POPDC1: variants seen among roughly 807,000 people sequenced by gnomAD.
The protein encoded by POPDC1 is popeye domain-containing protein 1.
chr6:105,129,318 A>C, the POPDC1 span: 1 of 1,425,898 alleles, frequency 7.0e-7, no homozygotes, highest in Non-Finnish European at 9.5e-7. Context: ...ACTCTGAACA[A>C]AGTACCTTTC....
the POPDC1 span, chr6:105,100,969 C>T: frequency 9.0e-6 from 11 of 1,217,004 alleles, no homozygotes; most frequent in Admixed American, 2.7e-5. Flanking sequence ...TTCCTCCCTC[C>T]GACTCCACCA....
chr6:105,132,936 T>G, the POPDC1 span, among the ~76,000 whole-genome samples: 1 of 152,224 alleles, frequency 6.6e-6, no homozygotes. Flanking sequence ...ACACATTTAA[T>G]TCACAACAAC....
chr6:105,115,602 T>A, the POPDC1 span: 1 of 1,476,988 alleles, frequency 6.8e-7, no homozygotes, highest in Non-Finnish European at 9.1e-7. Flanking sequence ...TGCAAAGTTA[T>A]TTTTCTAATC....
At chr6:105,120,977 C>A in the POPDC1 span, among the ~76,000 whole-genome samples, 1 of 152,176 alleles carries the variant, frequency 6.6e-6, no homozygotes, top group African/African-American at 2.4e-5. Context: ...TGTTTCACAG[C>A]TCCACCAAAA....
the POPDC1 span, chr6:105,101,241 A>G: frequency 1.9e-6 from 3 of 1,585,744 alleles, no homozygotes; most frequent in Non-Finnish European, 2.6e-6. Flanking sequence ...AGGGAAAACC[A>G]CTGAATGCAC....
the POPDC1 span, among the ~76,000 whole-genome samples, chr6:105,127,208 T>C: frequency 6.6e-5 from 10 of 152,166 alleles, no homozygotes; most frequent in Admixed American, 2.0e-4. Context: ...CCAGCATTCA[T>C]ATTTTTCAAA....
At chr6:105,108,561 G>A in the POPDC1 span, among the ~76,000 whole-genome samples, 13 of 152,306 alleles carry the variant, frequency 8.5e-5, no homozygotes, top group South Asian at 2.7e-3. Flanking sequence ...GGGATATGGT[G>A]AATAAGATGT....
chr6:105,135,483 CA>C, the POPDC1 span, among the ~76,000 whole-genome samples: 1 of 152,138 alleles, frequency 6.6e-6, no homozygotes, highest in Admixed American at 6.6e-5. Context: ...ATCAATCAAT[CA>C]ATACATGTTG....
chr6:105,127,650 G>T, the POPDC1 span, among the ~76,000 whole-genome samples: 1 of 152,016 alleles, frequency 6.6e-6, no homozygotes, highest in African/African-American at 2.4e-5. Flanking sequence ...TGCACAGGCT[G>T]GTCTCGAACT....
the POPDC1 span, among the ~76,000 whole-genome samples, chr6:105,116,389 T>A: frequency 1.3e-5 from 2 of 152,256 alleles, no homozygotes; most frequent in African/African-American, 4.8e-5. Context: ...TCTGCAAACC[T>A]CCAGCTGCCC....
At chr6:105,108,868 A>C in the POPDC1 span, among the ~76,000 whole-genome samples, 9 of 152,376 alleles carry the variant, frequency 5.9e-5, no homozygotes, top group African/African-American at 2.2e-4. Flanking sequence ...AAAAGAGAAC[A>C]TATAACTTGA....
the POPDC1 span, chr6:105,115,575 C>G: frequency 9.0e-6 from 12 of 1,340,102 alleles, no homozygotes; most frequent in Admixed American, 2.5e-4. Flanking sequence ...CTTTAGGTTG[C>G]CTTTCAAATA....
the POPDC1 span, chr6:105,124,434 G>A: frequency 1.5e-6 from 1 of 684,572 alleles, no homozygotes; most frequent in East Asian, 2.9e-5. Flanking sequence ...ATGCCCTATG[G>A]TAACTTGTTT....
At chr6:105,133,497 CA>C in the POPDC1 span, 1 of 1,613,888 alleles carries the variant, frequency 6.2e-7, no homozygotes, top group African/African-American at 1.3e-5. Flanking sequence ...TATTGGAAGG[CA>C]CAGGTATGAT....
At chr6:105,126,022 G>A in the POPDC1 span, among the ~76,000 whole-genome samples, 2 of 152,058 alleles carry the variant, frequency 1.3e-5, no homozygotes, top group African/African-American at 2.4e-5. Flanking sequence ...TCAGGAGTTC[G>A]AGACCAGCCT....
chr6:105,104,867 T>A, the POPDC1 span, among the ~76,000 whole-genome samples: 2 of 152,094 alleles, frequency 1.3e-5, no homozygotes, highest in South Asian at 4.2e-4. Context: ...TAAAAAGGAA[T>A]CACACCCAGT....
the POPDC1 span, among the ~76,000 whole-genome samples, chr6:105,118,133 C>T: frequency 9.2e-3 from 1,402 of 152,330 alleles, 18 homozygotes; most frequent in African/African-American, 0.032. Flanking sequence ...GTCCATTAAA[C>T]TGACATCCAG....
At chr6:105,101,271 G>A in the POPDC1 span, 6 of 1,445,896 alleles carry the variant, frequency 4.1e-6, no homozygotes, top group African/African-American at 5.8e-5. Flanking sequence ...AGACCCTGGT[G>A]TGATATATCA....
the POPDC1 span, chr6:105,129,504 C>G: frequency 6.2e-7 from 1 of 1,602,530 alleles, no homozygotes; most frequent in Non-Finnish European, 8.5e-7. Context: ...AGGGTACATC[C>G]TGTTGAAGAG....
Sources: gnomAD v4.1 joint callset for allele counts (sites outside exome capture counted in the v4.1 genomes callset) on GRCh38, gnomAD v4.1.1 for gene constraint, MANE v1.5 for transcripts, NCBI Gene and HGNC (gene_info 2026-07-23, HGNC 2026-07-21) for gene names.